ASB15: variants seen among roughly 807,000 people sequenced by gnomAD.
ASB15 encodes ankyrin repeat and SOCS box protein 15.
Under a neutral mutation model 58.0 loss-of-function variants are expected in ASB15, and 54 were observed. The observed-to-expected ratio is 0.93, with a 90% CI of 0.75 to 1.17. ASB15 has a LOEUF of 1.17. Ranked by LOEUF, ASB15 falls within the 50% of genes most tolerant of loss-of-function variation. The pLI is 0.00. For synonymous variants in ASB15, 249 were observed against 262.4 expected, an observed-to-expected ratio of 0.95 and a Z score of 0.50; for missense variants, 680 against 707.4, an observed-to-expected ratio of 0.96 and a Z score of 0.44.
In ASB15 at chr7:123,616,513, A is replaced by G. The variant is rs1229440575; in HGVS notation, c.292+18A>G. The G allele has an allele frequency of 6.2e-7, 1 of 1,607,480 alleles. No homozygotes were observed. Among genetic ancestry groups the G allele is most frequent in the Non-Finnish European group, 8.5e-7 (1 of 1,176,124 alleles). ...TCTGGATGGTAAGAGAACATAAAAC[A>G]TGTTTGACCAAGCCAGAGCAAGAAT... On this transcript the variant is annotated intron_variant, in intron 6 of 11. Coordinates refer to ENST00000451215, the MANE Select transcript of ASB15 (RefSeq NM_001290258.2).
intron 3 of ASB15, among the ~76,000 whole-genome samples, chr7:123,613,398 A>G (rs1375932189): frequency 6.6e-6 from 1 of 152,230 alleles, no homozygotes; most frequent in Non-Finnish European, 1.5e-5. Context: ...CATATTAGCC[A>G]GTCAACTCAG....
chr7:123,610,049 C>A (rs1188354024), intron 3 of ASB15, among the ~76,000 whole-genome samples: 1 of 151,992 alleles, frequency 6.6e-6, no homozygotes, highest in African/African-American at 2.4e-5. Context: ...TGCATGGAGC[C>A]AAAGAAAAAG....
At position 123,618,602 on chromosome 7, in the gene ASB15, G is replaced by A. The variant is rs193293359; in HGVS notation, c.451+865G>A. Among the ~76,000 whole-genome samples, 60 of 152,160 alleles carry A rather than the reference G, an allele frequency of 3.9e-4. No individual in the cohort carries two copies. In the East Asian group the frequency reaches 4.6e-3, roughly 12 times the overall value. ...GCCATTATGAAGTTGTCTGTGTGGCGGGAGGAGGAGACGGAAGAGGAGCAG... is the reference window on the plus strand; with the variant it reads ...GCCATTATGAAGTTGTCTGTGTGGCAGGAGGAGGAGACGGAAGAGGAGCAG... On this transcript the variant is annotated intron_variant, in intron 7 of 11. Coordinates refer to ENST00000451215, the MANE Select transcript of ASB15 (RefSeq NM_001290258.2).
chr7:123,575,268 G>A (rs889290998), intron 1 of ASB15, among the ~76,000 whole-genome samples: 13 of 151,862 alleles, frequency 8.6e-5, no homozygotes, highest in East Asian at 5.8e-4. Context: ...AAACTATCAC[G>A]TTCCTTCTTT....
At chr7:123,614,671 T>C in intron 4 of ASB15, 62 bp downstream of exon 4, 3 of 1,041,118 alleles carry the variant, frequency 2.9e-6, no homozygotes, top group East Asian at 2.4e-5. Flanking sequence ...TGTTGTAAGA[T>C]AAAATGAATA....
chr7:123,619,179 C>CAA (rs528943780), intron 7 of ASB15, among the ~76,000 whole-genome samples: 1,736 of 54,910 alleles, frequency 0.032, 66 homozygotes, highest in African/African-American at 0.052. Flanking sequence ...GACGCCGTCT[C>CAA]AAAAAAAAAA....
chr7:123,590,505 T>C (rs1264171010), intron 1 of ASB15, among the ~76,000 whole-genome samples: 2 of 152,172 alleles, frequency 1.3e-5, no homozygotes, highest in African/African-American at 4.8e-5. Context: ...TTGTAGGGTG[T>C]AAGGAAGGGG....
chr7:123,568,850 T>C (rs537152881), intron 1 of ASB15, among the ~76,000 whole-genome samples: 3 of 152,046 alleles, frequency 2.0e-5, no homozygotes, highest in Non-Finnish European at 4.4e-5. Context: ...ATGAGAAAAT[T>C]AAGTATAAAA....
At chr7:123,577,772 C>T (rs1445734580) in intron 1 of ASB15, among the ~76,000 whole-genome samples, 2 of 152,066 alleles carry the variant, frequency 1.3e-5, no homozygotes, top group Non-Finnish European at 2.9e-5. Flanking sequence ...GCTCATGTTT[C>T]TTCATCTTAT....
intron 4 of ASB15, among the ~76,000 whole-genome samples, 186 bp from the exon 5 acceptor site, chr7:123,616,035 A>G (rs554896056): frequency 7.9e-5 from 12 of 152,298 alleles, no homozygotes; most frequent in African/African-American, 2.9e-4. Context: ...TCAATGCATC[A>G]TAAATATACT....
At chr7:123,567,195 T>G (rs1356582272) in intron 1 of ASB15, 1 of 152,176 alleles carries the variant, frequency 6.6e-6, no homozygotes, top group Non-Finnish European at 1.5e-5. Context: ...CTAGTGATAG[T>G]AGAATTAGGA....
At chr7:123,613,654 C>T (rs900093963) in intron 3 of ASB15, among the ~76,000 whole-genome samples, 5 of 152,084 alleles carry the variant, frequency 3.3e-5, no homozygotes, top group East Asian at 1.9e-4. Context: ...GGCTGGTTTC[C>T]GGTCTATGGA....
At chr7:123,631,963 A>T (rs1802142052) in intron 11 of ASB15, among the ~76,000 whole-genome samples, 1 of 152,040 alleles carries the variant, frequency 6.6e-6, no homozygotes, top group African/African-American at 2.4e-5. Context: ...CTGTAATCCC[A>T]GCTACTCAGG....
chr7:123,626,344 T>C (rs927998309), intron 8 of ASB15, among the ~76,000 whole-genome samples: 5 of 152,136 alleles, frequency 3.3e-5, no homozygotes, highest in African/African-American at 1.2e-4. Flanking sequence ...TGGTGGCACA[T>C]GCCTGCAATC....
upstream of ASB15, chr7:123,598,743 A>G (rs1799781033): frequency 6.6e-6 from 1 of 152,206 alleles, no homozygotes; most frequent in Non-Finnish European, 1.5e-5. Context: ...TTTGTCATTA[A>G]TTTAGTATAA....
At chr7:123,592,948 G>A (rs1799582020) in intron 1 of ASB15, among the ~76,000 whole-genome samples, 1 of 152,020 alleles carries the variant, frequency 6.6e-6, no homozygotes, top group African/African-American at 2.4e-5. Flanking sequence ...ATGAATCTCG[G>A]TGCTCCTGTA....
intron 8 of ASB15, among the ~76,000 whole-genome samples, chr7:123,625,818 C>T (rs1415343765): frequency 2.0e-5 from 3 of 152,206 alleles, no homozygotes; most frequent in Non-Finnish European, 2.9e-5. Context: ...ACCTCTAGAA[C>T]CGCATGATCC....
intron 1 of ASB15, among the ~76,000 whole-genome samples, chr7:123,587,924 T>C (rs1799420734): frequency 6.6e-6 from 1 of 151,822 alleles, no homozygotes. Context: ...AATGCACTGC[T>C]GAATTTGGTT....
chr7:123,627,363 T>A, intron 9 of ASB15, 82 bp downstream of exon 9: 1 of 1,123,746 alleles, frequency 8.9e-7, no homozygotes, highest in Non-Finnish European at 1.2e-6. Flanking sequence ...CTATATGTAA[T>A]ACCTTTCAAA....
Sources: allele counts gnomAD v4.1 joint callset (sites outside exome capture counted in the v4.1 genomes callset), GRCh38; gene constraint gnomAD v4.1.1; transcripts MANE v1.5; gene names NCBI Gene and HGNC (gene_info 2026-07-23, HGNC 2026-07-21).